Variants in KIF27 observed in about 807,000 individuals in gnomAD.
KIF27 encodes the protein kinesin family member 27.
KIF27 carries 84 observed loss-of-function variants against 141.8 expected under a neutral mutation model. The ratio of observed to expected loss-of-function variants is 0.59; its 90% CI spans 0.50 to 0.71. The LOEUF is 0.71. KIF27 is among the 30% of genes least tolerant of loss of function. The pLI is 0.00. For synonymous variants in KIF27, 471 were observed against 569.5 expected, an observed-to-expected ratio of 0.83 and a Z score of 2.46; for missense variants, 1,306 against 1,628.4, an observed-to-expected ratio of 0.80 and a Z score of 3.41.
intron 3 of KIF27, among the ~76,000 whole-genome samples, chr9:83,904,665 C>G (rs971108769): frequency 2.6e-5 from 4 of 152,160 alleles, no homozygotes; most frequent in Admixed American, 2.6e-4. Context: ...GCCACTGCAC[C>G]TGGCCTAGAT....
chr9:83,845,598 A>G (rs2131553319), intron 16 of KIF27, among the ~76,000 whole-genome samples: 1 of 152,340 alleles, frequency 6.6e-6, no homozygotes, highest in East Asian at 1.9e-4. Context: ...ACCACCTGAA[A>G]GTGGACAGCT....
chr9:83,856,953 A>G (rs1949289882), intron 14 of KIF27, among the ~76,000 whole-genome samples: 1 of 151,848 alleles, frequency 6.6e-6, no homozygotes, highest in South Asian at 2.1e-4. Context: ...TGAGAAATTA[A>G]AAGTTTAAAA....
chr9:83,904,142 A>G, intron 3 of KIF27, 124 bp from the exon 4 acceptor site: 1 of 629,792 alleles, frequency 1.6e-6, no homozygotes, highest in Non-Finnish European at 2.7e-6. Flanking sequence ...ACAGCATTTC[A>G]GATAATAATA....
intron 10 of KIF27, among the ~76,000 whole-genome samples, chr9:83,883,408 T>C (rs984455213): frequency 6.6e-6 from 1 of 152,224 alleles, no homozygotes; most frequent in African/African-American, 2.4e-5. Flanking sequence ...GTTATTAACC[T>C]TTCTTAAGCC....
chr9:83,842,870 T>C (rs2131514101), intron 16 of KIF27, among the ~76,000 whole-genome samples: 1 of 152,244 alleles, frequency 6.6e-6, no homozygotes, highest in Admixed American at 6.5e-5. Flanking sequence ...ACCATTTGGA[T>C]TTTTCTGCCT....
chr9:83,869,509 G>T (rs1310811720), intron 12 of KIF27, among the ~76,000 whole-genome samples: 29 of 152,126 alleles, frequency 1.9e-4, no homozygotes, highest in Non-Finnish European at 3.4e-4. Context: ...GCCGAGGCGG[G>T]CAGATCATGA....
chr9:83,856,800 C>T (rs1204900190), intron 14 of KIF27, among the ~76,000 whole-genome samples: 1 of 145,846 alleles, frequency 6.9e-6, no homozygotes, highest in Non-Finnish European at 1.5e-5. Context: ...ATCCCAGCTA[C>T]TGGGGAGGCT....
intron 3 of KIF27, among the ~76,000 whole-genome samples, chr9:83,907,117 T>C (rs1270193837): frequency 3.3e-5 from 5 of 151,548 alleles, no homozygotes; most frequent in Non-Finnish European, 5.9e-5. Context: ...GGTGAAACCC[T>C]GTCTCTACTA....
intron 14 of KIF27, among the ~76,000 whole-genome samples, chr9:83,857,078 CAAA>C (rs1276481036): frequency 2.6e-5 from 2 of 78,268 alleles, no homozygotes; most frequent in Non-Finnish European, 2.8e-5. Flanking sequence ...TGGATTTTAC[CAAA>C]AAAAAAAAAA....
intron 4 of KIF27, among the ~76,000 whole-genome samples, chr9:83,902,241 T>C (rs1294346357): frequency 6.6e-6 from 1 of 152,230 alleles, no homozygotes; most frequent in African/African-American, 2.4e-5. Context: ...ATATTTCCTT[T>C]TTAACTAAAA....
intron 12 of KIF27, 150 bp from the exon 13 acceptor site, chr9:83,868,010 A>G: frequency 2.7e-6 from 2 of 753,596 alleles, no homozygotes; most frequent in Admixed American, 6.7e-5. Context: ...CTGAGATCCT[A>G]AAGACATCAG....
Position 83,870,575 on chromosome 9 carries a change from C to G in KIF27, c.2701G>C (p.Asp901His). Reference protein sequence around the residue: ...EGLKPKAEDLDACNLKRRKGS... With the variant: ...EGLKPKAEDLHACNLKRRKGS... ...TTTCTCCTTTTCAAGTTACATGCAT[C>G]AAGGTCCTCAGCTTTCGGTTTTAGA... Residue 901 changes from aspartate to histidine, a missense_variant, in exon 12 of 18, where the codon GAT (aspartate) becomes CAT (histidine). By Grantham distance (81) the Asp-to-His change is moderately conservative. This residue lies in a region of KIF27 where 596 missense variants were observed against 751.6 expected (regional missense o/e 0.79). Coordinates refer to ENST00000297814, the MANE Select transcript of KIF27 (RefSeq NM_017576.4). 6.2e-7 allele frequency: 1 copy of G among 1,613,952 alleles called. No individual in the cohort carries two copies. Among genetic ancestry groups the G allele is most frequent in the South Asian group, 1.1e-5 (1 of 91,076 alleles).
intron 17 of KIF27, among the ~76,000 whole-genome samples, chr9:83,838,238 G>GT (rs1468163363): frequency 3.3e-5 from 4 of 121,788 alleles, no homozygotes; most frequent in African/African-American, 1.4e-4. Flanking sequence ...AAAGTTTTTT[G>GT]TTGTTTTTTT....
chr9:83,896,380 T>C (rs1436269336), intron 5 of KIF27, among the ~76,000 whole-genome samples: 1 of 152,222 alleles, frequency 6.6e-6, no homozygotes, highest in Non-Finnish European at 1.5e-5. Flanking sequence ...GGTTGCTGGA[T>C]ATATAATGTA....
intron 2 of KIF27, among the ~76,000 whole-genome samples, chr9:83,912,252 A>G (rs2132740934): frequency 6.6e-6 from 1 of 152,322 alleles, no homozygotes; most frequent in Middle Eastern, 3.4e-3. Flanking sequence ...ACTTAAAAAC[A>G]ACTTGCTTCC....
At chr9:83,867,644 G>A in intron 13 of KIF27, 40 bp downstream of exon 13, 1 of 1,542,128 alleles carries the variant, frequency 6.5e-7, no homozygotes. Context: ...AGTAGGGAGT[G>A]GTTTACAACC....
rs13292683 is a variant in KIF27 at position 83,861,331 on chromosome 9, T to C, written c.2935-1960A>G. On this transcript the variant is annotated intron_variant, in intron 13 of 17. Coordinates refer to ENST00000297814, the MANE Select transcript of KIF27 (RefSeq NM_017576.4). ...TCTCCTAATGCTATCCCTCCCCCCT[T>C]CCCCCACCCCACAACAGGCCCCGGT... Among the ~76,000 whole-genome samples the C allele has an allele frequency of 1.1e-4, 16 of 148,388 alleles. No individual in the cohort carries two copies. The East Asian group carries it at 2.1e-3, about 20-fold the overall frequency.
rs558119315 is a variant in KIF27 at position 83,860,154 on chromosome 9, A to T, written c.2935-783T>A. ...ATGGAGATGTTCACTATGGTCAAAT[A>T]TCAGGTAATTTGTAAATTACTGTTC... On this transcript the variant is annotated intron_variant, in intron 13 of 17. Transcript: ENST00000297814. 3.7e-3 allele frequency: 570 copies of T among 152,292 alleles called. 5 individuals carry two copies. Among genetic ancestry groups the T allele is most frequent in the African/African-American group, 0.013 (534 of 41,558 alleles). The allele number at this position is 152,292 out of a possible 1,614,324, so 9.4% of individuals were successfully genotyped here.
At chr9:83,875,202 G>A (rs956275379) in intron 11 of KIF27, among the ~76,000 whole-genome samples, 2 of 152,206 alleles carry the variant, frequency 1.3e-5, no homozygotes, top group African/African-American at 4.8e-5. Context: ...GTTGTTGGCA[G>A]AAGAAATGAA....
Sources: gnomAD v4.1 joint callset for allele counts (sites outside exome capture counted in the v4.1 genomes callset) on GRCh38, gnomAD v4.1.1 for gene constraint, gnomAD v4.1.1 regional missense constraint, MANE v1.5 for transcripts, NCBI Gene and HGNC (gene_info 2026-07-23, HGNC 2026-07-21) for gene names.